The following GNB1 variants were observed in gnomAD, a reference collection of about 807,000 sequenced individuals.
The protein encoded by GNB1 is guanine nucleotide-binding protein G(I)/G(S)/G(T) subunit beta-1.
Under a neutral mutation model 42.9 loss-of-function variants are expected in GNB1, and 2 were observed. The observed-to-expected ratio is 0.05, with a 90% CI of 0.02 to 0.15. GNB1 has a LOEUF of 0.15. Among genes scored for constraint, GNB1 ranks in the 10% least tolerant of loss-of-function variants. The pLI, the probability that GNB1 is intolerant of heterozygous loss-of-function variation, is 1.00. For synonymous variants in GNB1, 183 were observed against 174.7 expected (o/e 1.05, Z -0.38); for missense variants, 193 against 462.2 (o/e 0.42, Z 5.34).
intron 1 of GNB1, among the ~76,000 whole-genome samples, chr1:1,874,556 G>A (rs1401823477): frequency 5.2e-5 from 7 of 133,922 alleles, no homozygotes; most frequent in East Asian, 4.8e-4. Flanking sequence ...GCAGTGAGAC[G>A]AGACTGCACC....
At chr1:1,806,980 G>T (rs1196406096) in intron 5 of GNB1, among the ~76,000 whole-genome samples, 1 of 151,326 alleles carries the variant, frequency 6.6e-6, no homozygotes, top group Non-Finnish European at 1.5e-5. Flanking sequence ...TTTCAAGAAA[G>T]AAAGAAAGAA....
chr1:1,840,692 C>A (rs1207781943), intron 1 of GNB1, among the ~76,000 whole-genome samples: 1 of 152,248 alleles, frequency 6.6e-6, no homozygotes, highest in African/African-American at 2.4e-5. Context: ...CCTGGCAAGT[C>A]TATGTTGGGA....
At position 1,799,133 on chromosome 1, in the gene GNB1, G is replaced by C. The variant is rs1042451228; in HGVS notation, c.430+5286C>G. ...GATGGGGTTTCACCGTGTTAGCCAG[G>C]ATGGTCTCGATCTCCTGACCTCGTG... On this transcript the variant is annotated intron_variant, in intron 7 of 11. Transcript: ENST00000378609. Among the ~76,000 whole-genome samples, 144 of 152,218 alleles carry C rather than the reference G, an allele frequency of 9.5e-4. 1 individual carries two copies. The highest frequency in any genetic ancestry group is 1.7e-3 in the Admixed American group (26 of 15,288).
Position 1,864,314 on chromosome 1 carries a change from C to CAA in GNB1, c.-95-25078_-95-25077dup, listed in dbSNP as rs1173466617. Among the ~76,000 whole-genome samples the CAA allele has an allele frequency of 9.5e-3, 361 of 37,860 alleles. 13 individuals carry two copies. Among genetic ancestry groups the CAA allele is most frequent in the East Asian group, 0.019 (16 of 824 alleles). 24.8% of individuals were successfully genotyped at this position (37,860 alleles called of 152,430 possible). On this transcript the variant is annotated intron_variant, in intron 1 of 11. Transcript: ENST00000378609. ...CTGGGTGACAAGAGCAAGACTCTCT[C>CAA]AAAAAAAAAAAAAAAAAAAAAAGAA...
At position 1,846,397 on chromosome 1, in the gene GNB1, T is replaced by C. The variant is rs192236277; in HGVS notation, c.-95-7159A>G. On this transcript the variant is annotated intron_variant, in intron 1 of 11. Coordinates refer to ENST00000378609, the MANE Select transcript of GNB1 (RefSeq NM_002074.5). ...GCCAGGCCAACGTGGTGAAACTCCA[T>C]CTCTGCTAAAAACAAAAAAATTAGC... Among the ~76,000 whole-genome samples the C allele has an allele frequency of 1.2e-3, 183 of 152,168 alleles. 3 individuals are homozygous for C. The highest frequency in any genetic ancestry group is 1.5e-4 in the Non-Finnish European group (10 of 68,006).
intron 5 of GNB1, among the ~76,000 whole-genome samples, chr1:1,813,304 C>T (rs75304780): frequency 0.061 from 9,349 of 152,072 alleles, 441 homozygotes; most frequent in Non-Finnish European, 0.087. Flanking sequence ...GATGGGGTTT[C>T]GCCATGTTGG....
In GNB1 at chr1:1,850,017, G is replaced by A. The variant is rs11260623; in HGVS notation, c.-95-10779C>T. On this transcript the variant is annotated intron_variant, in intron 1 of 11. Transcript: ENST00000378609. ...TGGAGTCTCGCTCTGTACATAGGCTGAAGTACAATGGCACAATCTCAGCTC... is the reference window on the plus strand; with the variant it reads ...TGGAGTCTCGCTCTGTACATAGGCTAAAGTACAATGGCACAATCTCAGCTC... Among the ~76,000 whole-genome samples, 892 of 151,978 alleles carry A rather than the reference G, an allele frequency of 5.9e-3. 4 individuals carry two copies. The highest frequency in any genetic ancestry group is 0.015 in the African/African-American group (632 of 41,458).
chr1:1,886,054 G>A (rs1186565474), intron 1 of GNB1, among the ~76,000 whole-genome samples: 1 of 151,678 alleles, frequency 6.6e-6, no homozygotes, highest in Non-Finnish European at 1.5e-5. Flanking sequence ...GCTCACGCCT[G>A]TAATCCTAGA....
intron 7 of GNB1, among the ~76,000 whole-genome samples, chr1:1,795,150 AGAG>A (rs528222572): frequency 9.3e-4 from 142 of 152,328 alleles, no homozygotes; most frequent in African/African-American, 3.3e-3. Flanking sequence ...AGTCCAGCTC[AGAG>A]GAGGATAGCC....
intron 1 of GNB1, among the ~76,000 whole-genome samples, chr1:1,848,835 A>G (rs1194459183): frequency 6.6e-6 from 1 of 152,176 alleles, no homozygotes; most frequent in Admixed American, 6.5e-5. Flanking sequence ...TTTGTAACAC[A>G]ACTGTCTAGC....
rs996006204 is a variant in GNB1, at chr1:1,786,760, G to A, written c.*303C>T. 4 of 152,204 alleles carry A rather than the reference G, an allele frequency of 2.6e-5. No homozygotes were observed. The highest frequency in any genetic ancestry group is 7.2e-5 in the African/African-American group (3 of 41,410). 9.4% of individuals were successfully genotyped at this position (152,204 alleles called of 1,614,324 possible). On this transcript the variant is annotated 3_prime_UTR_variant, in exon 12 of 12. Coordinates refer to ENST00000378609, the MANE Select transcript of GNB1 (RefSeq NM_002074.5). Reference sequence around the variant, plus strand: ...CAATTACACTCAAGTTTACCTTCTGGTTAACATTTTTATTATATATTTCCT... The same window carrying A: ...CAATTACACTCAAGTTTACCTTCTGATTAACATTTTTATTATATATTTCCT...
intron 2 of GNB1, among the ~76,000 whole-genome samples, chr1:1,835,734 C>T (rs938408756): frequency 6.6e-6 from 1 of 151,840 alleles, no homozygotes; most frequent in Non-Finnish European, 1.5e-5. Flanking sequence ...AGATTCCTAG[C>T]GGTGGAATGG....
Position 1,786,048 on chromosome 1 carries a change from G to A in GNB1, c.*1015C>T. 2.5e-6 allele frequency: 1 copy of A among 398,462 alleles called. No homozygotes were observed. Among genetic ancestry groups the A allele is most frequent in the Non-Finnish European group, 4.4e-6 (1 of 226,020 alleles). The allele number at this position is 398,462 out of a possible 1,614,324, so 24.7% of individuals were successfully genotyped here. On this transcript the variant is annotated 3_prime_UTR_variant, in exon 12 of 12. Transcript: ENST00000378609. ...TCTAAGAGTAAACCCACCCAATATG[G>A]CAAACAATCAAAATTTTTAAAATTT...
chr1:1,847,590 A>G (rs1647737773), intron 1 of GNB1, among the ~76,000 whole-genome samples: 1 of 152,228 alleles, frequency 6.6e-6, no homozygotes. Context: ...CCCAATAGAC[A>G]GAACATTGTT....
chr1:1,792,591 G>A lies in GNB1; in HGVS notation c.497+654C>T, dbSNP rs145563617. On this transcript the variant is annotated intron_variant, in intron 8 of 11. Transcript: ENST00000378609. Reference sequence around the variant, plus strand: ...GCACACCTGTAGTTCCCAGCTACTCGGGAGGCTGAGAGGGGAGAATTGCTT... The same window carrying A: ...GCACACCTGTAGTTCCCAGCTACTCAGGAGGCTGAGAGGGGAGAATTGCTT... Among the ~76,000 whole-genome samples, 1,048 of 151,470 alleles carry A rather than the reference G, an allele frequency of 6.9e-3. 7 individuals are homozygous for A. Among genetic ancestry groups the A allele is most frequent in the Non-Finnish European group, 8.9e-3 (603 of 67,864 alleles).
intron 5 of GNB1, among the ~76,000 whole-genome samples, chr1:1,814,274 C>T (rs1167211529): frequency 6.6e-6 from 1 of 152,178 alleles, no homozygotes; most frequent in East Asian, 1.9e-4. Context: ...GCAGAAAATT[C>T]CACGCTAACA....
intron 1 of GNB1, among the ~76,000 whole-genome samples, chr1:1,868,323 G>A (rs1003788812): frequency 2.0e-5 from 3 of 152,132 alleles, no homozygotes; most frequent in Non-Finnish European, 2.9e-5. Context: ...TTACAGGCAT[G>A]AGCCACCACA....
chr1:1,850,192 G>A (rs1292427858), intron 1 of GNB1, among the ~76,000 whole-genome samples: 2 of 151,090 alleles, frequency 1.3e-5, no homozygotes, highest in South Asian at 2.1e-4. Flanking sequence ...GTGCAATGGC[G>A]GGATCTTGGC....
At chr1:1,795,477 TG>T (rs1323453838) in intron 7 of GNB1, among the ~76,000 whole-genome samples, 43 of 152,180 alleles carry the variant, frequency 2.8e-4, no homozygotes, top group Non-Finnish European at 5.0e-4. Context: ...GAAAGAATCA[TG>T]ACCTTGGCTG....
Sources: allele counts gnomAD v4.1 joint callset (sites outside exome capture counted in the v4.1 genomes callset), GRCh38; gene constraint gnomAD v4.1.1; transcripts MANE v1.5; gene names NCBI Gene and HGNC (gene_info 2026-07-23, HGNC 2026-07-21).